AMZ2: variants seen among roughly 807,000 people sequenced by gnomAD.
AMZ2 encodes the protein archaemetzincin-2.
A neutral mutation model predicts 36.7 loss-of-function variants in AMZ2; 26 were observed. The ratio of observed to expected loss-of-function variants is 0.71; its 90% CI spans 0.52 to 0.98. AMZ2 has a LOEUF of 0.98. Ranked by LOEUF, AMZ2 falls within the 50% of genes least tolerant of loss-of-function variation. The pLI is 0.00. For synonymous variants in AMZ2, 144 were observed against 149.1 expected (o/e 0.97, Z 0.25); for missense variants, 394 against 430.5 (o/e 0.92, Z 0.75).
At chr17:68,207,642 G>C (rs1436600300) in intron 1 of AMZ2, 3 of 152,172 alleles carry the variant, frequency 2.0e-5, no homozygotes, top group Admixed American at 2.0e-4. Flanking sequence ...GTATTATCTT[G>C]AGCCAAATAT....
upstream of AMZ2, among the ~76,000 whole-genome samples, chr17:68,243,263 T>G (rs1471708936): frequency 6.6e-6 from 1 of 152,026 alleles, no homozygotes; most frequent in African/African-American, 2.4e-5. Flanking sequence ...GCCTCCTAAG[T>G]AGCTGGAACT....
In AMZ2 at chr17:68,235,415, G is replaced by A. The variant is rs563008760; in HGVS notation, c.-66-13225G>A. On this transcript the variant is annotated intron_variant, in intron 1 of 7. Transcript: ENST00000674770. The surrounding 1 kb of genome is among the most constrained non-coding windows in gnomAD (Gnocchi z 4.2). Reference sequence around the variant, plus strand: ...CCTGGATAAACACACTGAGTCCCAGGGAGGTAAAGTGCCTTGGCTGAGGGC... The same window carrying A: ...CCTGGATAAACACACTGAGTCCCAGAGAGGTAAAGTGCCTTGGCTGAGGGC... 1.3e-5 allele frequency among the ~76,000 whole-genome samples: 2 copies of A among 152,098 alleles called. No homozygotes were observed. The highest frequency in any genetic ancestry group is 1.9e-4 in the East Asian group (1 of 5,180).
At chr17:68,210,229 G>C (rs562242991) in intron 1 of AMZ2, among the ~76,000 whole-genome samples, 1 of 152,050 alleles carries the variant, frequency 6.6e-6, no homozygotes, top group African/African-American at 2.4e-5. Context: ...ATGCAAAAAC[G>C]TATACACATA....
chr17:68,209,632 A>ATATATATATATATATGTATATATATTTT, intron 1 of AMZ2, among the ~76,000 whole-genome samples: 10 of 90,682 alleles, frequency 1.1e-4, no homozygotes, highest in South Asian at 3.9e-4. Flanking sequence ...ATATATATAT[A>ATATATATATATATATGTATATATATTTT]TTTTTTTTTT....
chr17:68,221,315 T>G (rs1178263768), intron 1 of AMZ2, among the ~76,000 whole-genome samples: 1 of 149,842 alleles, frequency 6.7e-6, no homozygotes, highest in Non-Finnish European at 1.5e-5. Flanking sequence ...TTGCCCAGGC[T>G]GGCAGGGATA....
intron 1 of AMZ2, among the ~76,000 whole-genome samples, chr17:68,212,454 T>C (rs35739339): frequency 0.23 from 35,179 of 152,194 alleles, 4,346 homozygotes; most frequent in South Asian, 0.29. Flanking sequence ...GAGGATGCCT[T>C]GAGCCCAGGA....
chr17:68,247,880 G>A, upstream of AMZ2: 3 of 985,538 alleles, frequency 3.0e-6, no homozygotes, highest in Non-Finnish European at 3.6e-6. Context: ...GAAGAGGCGG[G>A]TCGCGGCCGC....
intron 1 of AMZ2, among the ~76,000 whole-genome samples, chr17:68,225,301 G>A (rs1415401827): frequency 1.3e-5 from 2 of 152,126 alleles, no homozygotes; most frequent in Admixed American, 6.5e-5. Context: ...GAGAGCAGTC[G>A]TGTTGATGGT....
intron 1 of AMZ2, among the ~76,000 whole-genome samples, chr17:68,223,898 AT>A (rs1555729196): frequency 1.8e-5 from 2 of 111,592 alleles, no homozygotes. Flanking sequence ...ATATATATAT[AT>A]TTTTTTTTGA....
At chr17:68,226,944 G>T (rs1231438888) in intron 1 of AMZ2, among the ~76,000 whole-genome samples, 1 of 148,664 alleles carries the variant, frequency 6.7e-6, no homozygotes, top group Non-Finnish European at 1.5e-5. Context: ...GCAGGGTTAG[G>T]AGGGAGGAGC....
At chr17:68,250,633 A>G (rs2074384670) in intron 2 of AMZ2, 161 bp from the exon 3 acceptor site, 29 of 1,227,104 alleles carry the variant, frequency 2.4e-5, no homozygotes, top group South Asian at 1.7e-4. Context: ...AAAAGATAAC[A>G]TTTTGTTTCT....
At chr17:68,254,373 C>T in intron 4 of AMZ2, 31 bp from the exon 5 acceptor site, 1 of 1,592,350 alleles carries the variant, frequency 6.3e-7, no homozygotes, top group Non-Finnish European at 8.5e-7. Flanking sequence ...ACCTTACTCT[C>T]ATTCTGTCAC....
chr17:68,219,830 G>T (rs148926760), intron 1 of AMZ2, among the ~76,000 whole-genome samples: 1 of 151,896 alleles, frequency 6.6e-6, no homozygotes, highest in Non-Finnish European at 1.5e-5. Context: ...CACCTCGCCT[G>T]ACCTCTGTAC....
chr17:68,251,173 C>T lies in AMZ2; in HGVS notation c.581C>T (p.Thr194Ile). 6.2e-7 allele frequency: 1 copy of T among 1,610,056 alleles called. No homozygotes were observed. The highest frequency in any genetic ancestry group is 2.2e-5 in the East Asian group (1 of 44,816). Reference protein sequence around the residue: ...WNFVFGQASLTDGVGIFSFAR... With the variant: ...WNFVFGQASLIDGVGIFSFAR... ...TTTGTCTTTGGACAGGCCTCTTTGA[C>T]AGATGGTATTCCGTTTTTGGCATTG... is the stretch of plus-strand genomic sequence containing the variant. Residue 194 changes from threonine to isoleucine, a missense_variant, in exon 4 of 7, where the codon ACA (threonine) becomes ATA (isoleucine). Transcript: ENST00000359904.
At chr17:68,209,616 A>C (rs1312359396) in intron 1 of AMZ2, among the ~76,000 whole-genome samples, 1 of 73,826 alleles carries the variant, frequency 1.4e-5, no homozygotes, top group African/African-American at 7.7e-5. Flanking sequence ...ATATGTATAT[A>C]TATATATATA....
intron 1 of AMZ2, among the ~76,000 whole-genome samples, chr17:68,239,596 A>T (rs2073860837): frequency 6.6e-6 from 1 of 152,194 alleles, no homozygotes; most frequent in African/African-American, 2.4e-5. Context: ...ATTCACACAC[A>T]CATTAGTGGG....
chr17:68,251,894 TTTTAA>T (rs1188027310), intron 4 of AMZ2, among the ~76,000 whole-genome samples: 5 of 152,244 alleles, frequency 3.3e-5, no homozygotes, highest in Admixed American at 6.5e-5. Context: ...GACATTTGTT[TTTTAA>T]TTTAAAGAGT....
rs553841913 is a variant in AMZ2 at position 68,250,309 on chromosome 17, T to C, written c.122T>C (p.Phe41Ser). ...AGEQRLMNEAFQPASDLFGPI... is the reference protein window; with the variant it reads ...AGEQRLMNEASQPASDLFGPI... ...GAACAACGTTTAATGAATGAAGCCT[T>C]CCAGCCAGCCAGTGATCTCTTTGGA... The change falls in exon 2 of 7, where the codon TTC becomes TCC. Residue 41 changes from phenylalanine to serine, a missense_variant. Physicochemically the swap from Phe to Ser is radical, Grantham distance 155. Coordinates refer to ENST00000359904, the MANE Select transcript of AMZ2 (RefSeq NM_016627.5). 5.6e-6 allele frequency: 9 copies of C among 1,614,202 alleles called. No homozygotes were observed. In the East Asian group the frequency reaches 2.0e-4, roughly 36 times the overall value.
chr17:68,238,728 G>A (rs1308066267), intron 1 of AMZ2, among the ~76,000 whole-genome samples: 1 of 152,140 alleles, frequency 6.6e-6, no homozygotes, highest in African/African-American at 2.4e-5. Context: ...GCGATTTGTA[G>A]CATGACTGCT....
Sources: gnomAD v4.1 joint callset for allele counts (sites outside exome capture counted in the v4.1 genomes callset) on GRCh38, gnomAD v4.1.1 for gene constraint, Gnocchi (gnomAD v3.1) non-coding constraint, MANE v1.5 for transcripts, NCBI Gene and HGNC (gene_info 2026-07-23, HGNC 2026-07-21) for gene names.